The following CACNA1C variants were observed in gnomAD, a reference collection of about 807,000 sequenced individuals.
CACNA1C encodes calcium voltage-gated channel subunit alpha1 C, also known as voltage-dependent L-type calcium channel subunit alpha-1C.
In CACNA1C, 30 loss-of-function variants were observed where a neutral mutation model predicts 229.0. That is an observed-to-expected ratio of 0.13 (90% CI 0.10 to 0.18). The LOEUF (loss-of-function observed/expected upper bound fraction) is 0.18. Ranked by LOEUF, CACNA1C falls within the 10% of genes least tolerant of loss-of-function variation. The probability of loss-of-function intolerance (pLI) is 1.00; values close to 1 mark genes in which losing one functional copy is unlikely to be tolerated. For synonymous variants in CACNA1C, 1,114 were observed against 1,132.5 expected, an observed-to-expected ratio of 0.98 and a Z score of 0.33; for missense variants, 1,658 against 2,845.0, an observed-to-expected ratio of 0.58 and a Z score of 9.49.
At chr12:2,240,728 A>G (rs1008387063) in intron 3 of CACNA1C, among the ~76,000 whole-genome samples, 3 of 152,152 alleles carry the variant, frequency 2.0e-5, no homozygotes, top group African/African-American at 7.2e-5. Context: ...ATGCTTGGTC[A>G]TTAGCACATG....
intron 9 of CACNA1C, among the ~76,000 whole-genome samples, chr12:2,519,776 T>C (rs988200331): frequency 2.0e-5 from 3 of 152,182 alleles, no homozygotes; most frequent in African/African-American, 7.2e-5. Context: ...CTTGGTGTTG[T>C]GAGAGGCATC....
intron 3 of CACNA1C, among the ~76,000 whole-genome samples, chr12:2,202,345 C>A (rs540847572): frequency 6.6e-6 from 1 of 152,212 alleles, no homozygotes; most frequent in African/African-American, 2.4e-5. Flanking sequence ...TTCCTAATTT[C>A]ATGAAGCCTG....
intron 12 of CACNA1C, among the ~76,000 whole-genome samples, chr12:2,567,085 A>G (rs1458347146): frequency 6.6e-6 from 1 of 152,208 alleles, no homozygotes; most frequent in East Asian, 1.9e-4. Flanking sequence ...GGGTCCCACT[A>G]GCCAGGCCTC....
intron 3 of CACNA1C, among the ~76,000 whole-genome samples, chr12:2,447,196 C>G (rs1422118555): frequency 3.3e-5 from 5 of 152,146 alleles, no homozygotes; most frequent in Non-Finnish European, 7.4e-5. Context: ...CAACATTGCC[C>G]TGATGTACAT....
intron 3 of CACNA1C, among the ~76,000 whole-genome samples, chr12:2,271,122 G>T (rs955107947): frequency 6.6e-6 from 1 of 152,236 alleles, no homozygotes; most frequent in Non-Finnish European, 1.5e-5. Context: ...GCCAGTATTG[G>T]GTAGCCACCT....
At chr12:2,352,611 TC>T (rs1390819644) in intron 3 of CACNA1C, among the ~76,000 whole-genome samples, 1 of 151,782 alleles carries the variant, frequency 6.6e-6, no homozygotes. Context: ...GGAAATAGAC[TC>T]TGTGGACCGT....
intron 3 of CACNA1C, among the ~76,000 whole-genome samples, chr12:2,277,467 T>G (rs1333719007): frequency 1.3e-5 from 2 of 151,396 alleles, no homozygotes; most frequent in South Asian, 4.2e-4. Flanking sequence ...TTCTTGATTC[T>G]CCATAGCTGT....
intron 13 of CACNA1C, among the ~76,000 whole-genome samples, chr12:2,568,514 C>T (rs2052524658): frequency 6.6e-6 from 1 of 152,158 alleles, no homozygotes; most frequent in Non-Finnish European, 1.5e-5. Context: ...TATTTGCACA[C>T]CCAAGTGCCT....
At chr12:2,087,552 T>G (rs2068184331) in intron 1 of CACNA1C, among the ~76,000 whole-genome samples, 1 of 152,278 alleles carries the variant, frequency 6.6e-6, no homozygotes, top group Middle Eastern at 3.4e-3. Flanking sequence ...GATGCTAGAG[T>G]ACATGTTTTT....
rs1244307252 is a variant in CACNA1C, at chr12:2,488,369, G to A, written c.916+2107G>A. The stretch of plus-strand genomic sequence containing the variant: ...ATGGTAGACAAAGAAAGCATGGCAC[G>A]GGGAGGGAGCCGTCCTGAAGGCCAT... On this transcript the variant is annotated intron_variant, in intron 6 of 46. Transcript: ENST00000399655. This position sits in a 1 kb window ranked among gnomAD's most constrained non-coding sequence, Gnocchi z 4.0. 1.3e-5 allele frequency among the ~76,000 whole-genome samples: 2 copies of A among 152,184 alleles called. No homozygotes were observed. Among genetic ancestry groups the A allele is most frequent in the East Asian group, 1.9e-4 (1 of 5,184 alleles).
At chr12:2,202,457 A>G (rs1045266017) in intron 3 of CACNA1C, among the ~76,000 whole-genome samples, 1 of 152,268 alleles carries the variant, frequency 6.6e-6, no homozygotes, top group Non-Finnish European at 1.5e-5. Flanking sequence ...GTAGTCATAT[A>G]TAGCTCAGCA....
chr12:2,199,900 A>C (rs2097534762), intron 3 of CACNA1C, among the ~76,000 whole-genome samples: 1 of 152,046 alleles, frequency 6.6e-6, no homozygotes, highest in Admixed American at 6.5e-5. Context: ...ACCAATAATA[A>C]AAAAAAGTGC....
At chr12:2,394,173 C>T (rs983619918) in intron 3 of CACNA1C, among the ~76,000 whole-genome samples, 2 of 151,996 alleles carry the variant, frequency 1.3e-5, no homozygotes, top group African/African-American at 4.8e-5. Context: ...TTCCAAGGTG[C>T]CAGGGTGAAC....
At chr12:2,378,317 G>C (rs572299308) in intron 3 of CACNA1C, among the ~76,000 whole-genome samples, 1 of 152,186 alleles carries the variant, frequency 6.6e-6, no homozygotes, top group Admixed American at 6.5e-5. Flanking sequence ...ACGGGCCTCT[G>C]CATGTGGATG....
chr12:2,664,603 C>T (rs969067086), intron 34 of CACNA1C, among the ~76,000 whole-genome samples: 3 of 152,118 alleles, frequency 2.0e-5, no homozygotes, highest in East Asian at 1.9e-4. Context: ...AGCAAGTTTT[C>T]GGAAAAGGTG....
chr12:2,336,368 A>G (rs1290857415), intron 3 of CACNA1C, among the ~76,000 whole-genome samples: 1 of 152,160 alleles, frequency 6.6e-6, no homozygotes, highest in Non-Finnish European at 1.5e-5. Flanking sequence ...TTTATGTTAC[A>G]CATTGGGCAG....
intron 1 of CACNA1C, among the ~76,000 whole-genome samples, chr12:2,079,783 G>A (rs1310142313): frequency 1.3e-5 from 2 of 152,090 alleles, no homozygotes; most frequent in African/African-American, 2.4e-5. Flanking sequence ...AAACTCTGAA[G>A]CCTTCTTCCA....
intron 3 of CACNA1C, among the ~76,000 whole-genome samples, chr12:2,379,519 G>A (rs138302802): frequency 1.3e-5 from 2 of 152,228 alleles, no homozygotes; most frequent in African/African-American, 4.8e-5. Flanking sequence ...TGACGCTCCC[G>A]ATAGAACAGC....
intron 1 of CACNA1C, among the ~76,000 whole-genome samples, chr12:2,110,425 G>A (rs544801364): frequency 4.6e-5 from 7 of 152,348 alleles, no homozygotes; most frequent in Admixed American, 2.0e-4. Flanking sequence ...GGGAGCATCC[G>A]TGGAAACAGC....
Sources: gnomAD v4.1 joint callset for allele counts (sites outside exome capture counted in the v4.1 genomes callset) on GRCh38, gnomAD v4.1.1 for gene constraint, Gnocchi (gnomAD v3.1) non-coding constraint, MANE v1.5 for transcripts, NCBI Gene and HGNC (gene_info 2026-07-23, HGNC 2026-07-21) for gene names.